Variants in EIF4G3 observed in about 807,000 individuals in gnomAD.
EIF4G3 encodes eIF-4-gamma 3.
A neutral mutation model predicts 186.4 loss-of-function variants in EIF4G3; 34 were observed. The observed-to-expected ratio is 0.18, with a 90% CI of 0.14 to 0.24. EIF4G3 has a LOEUF of 0.24. EIF4G3 is among the 10% of genes least tolerant of loss of function. EIF4G3 has a pLI of 1.00. For missense variants in EIF4G3, 1,536 were observed against 1,948.5 expected (o/e 0.79, Z 3.99); for synonymous variants, 673 against 679.5 (o/e 0.99, Z 0.15).
At chr1:20,901,310 T>C (rs1208541109) in intron 15 of EIF4G3, among the ~76,000 whole-genome samples, 2 of 152,180 alleles carry the variant, frequency 1.3e-5, no homozygotes, top group Non-Finnish European at 2.9e-5. Context: ...TTAAAAATTT[T>C]AGACTCTACT....
rs2094460903 is a variant in EIF4G3 at position 21,054,337 on chromosome 1, GGCC to G, written c.-195-3346_-195-3344del. ...ACCCAGGGACACAAACACTGCGGAA[GGCC>G]GCAGGGTCCTCTGCCTAGGAAAACC... On this transcript the variant is annotated intron_variant, in intron 3 of 36. Transcript: ENST00000602326. Among the ~76,000 whole-genome samples the G allele has an allele frequency of 1.4e-4, 19 of 133,212 alleles. 2 individuals carry two copies. The South Asian group carries it at 4.6e-3, about 32-fold the overall frequency. 87.4% of individuals were successfully genotyped at this position (133,212 alleles called of 152,430 possible). A position where few individuals can be genotyped will look rare whatever the true frequency, so the allele number is the denominator to read the frequency against.
chr1:21,092,449 T>G (rs1189308698), intron 2 of EIF4G3, among the ~76,000 whole-genome samples: 2 of 152,172 alleles, frequency 1.3e-5, no homozygotes, highest in African/African-American at 2.4e-5. Flanking sequence ...ATTCTCTTTT[T>G]TTGTTGTTGT....
chr1:20,809,549 C>T (rs1359712159), intron 36 of EIF4G3, among the ~76,000 whole-genome samples: 1 of 152,186 alleles, frequency 6.6e-6, no homozygotes, highest in Non-Finnish European at 1.5e-5. Context: ...GTACAGGTTA[C>T]TTTGTTTCAT....
intron 3 of EIF4G3, among the ~76,000 whole-genome samples, chr1:21,077,757 G>A (rs557112297): frequency 2.6e-5 from 4 of 151,880 alleles, no homozygotes; most frequent in East Asian, 1.9e-4. Context: ...GCGCATGCCT[G>A]TAATCCCAGA....
chr1:21,082,344 G>A (rs1013167807), intron 3 of EIF4G3, among the ~76,000 whole-genome samples: 1 of 151,544 alleles, frequency 6.6e-6, no homozygotes, highest in Admixed American at 6.6e-5. Context: ...CAGCATATTC[G>A]GAGGCCAAGG....
intron 12 of EIF4G3, among the ~76,000 whole-genome samples, chr1:20,950,979 A>G (rs2096189303): frequency 6.6e-6 from 1 of 152,192 alleles, no homozygotes; most frequent in African/African-American, 2.4e-5. Context: ...CGGAGATCTA[A>G]GGTCAATTTT....
intron 7 of EIF4G3, among the ~76,000 whole-genome samples, chr1:20,989,094 A>T (rs1263724444): frequency 8.3e-6 from 1 of 120,254 alleles, no homozygotes; most frequent in Non-Finnish European, 1.8e-5. Context: ...AGAGGAGAGG[A>T]GAGGAGAGGA....
chr1:21,176,622 C>G (rs1238840345), intron 1 of EIF4G3, 100 bp downstream of exon 1: 4 of 245,768 alleles, frequency 1.6e-5, no homozygotes, highest in Non-Finnish European at 3.1e-5. Flanking sequence ...GCAGCAGCAG[C>G]CGCCCCGCGG....
intron 27 of EIF4G3, among the ~76,000 whole-genome samples, chr1:20,852,138 C>T (rs1233953262): frequency 2.6e-5 from 4 of 152,232 alleles, no homozygotes; most frequent in East Asian, 1.9e-4. Context: ...CCTCCGCCTA[C>T]GGGTTCAAGT....
chr1:20,879,143 G>A (rs1315532243), intron 20 of EIF4G3, among the ~76,000 whole-genome samples, 180 bp downstream of exon 20: 1 of 152,064 alleles, frequency 6.6e-6, no homozygotes, highest in Non-Finnish European at 1.5e-5. Context: ...CCCCTCCAGA[G>A]GGGAGTATAC....
In EIF4G3 at chr1:21,082,250, C is replaced by T. The variant is rs561558588; in HGVS notation, c.-196+6888G>A. 2.0e-5 allele frequency among the ~76,000 whole-genome samples: 3 copies of T among 150,790 alleles called. No homozygotes were observed. The East Asian group carries it at 5.8e-4, about 29-fold the overall frequency. The stretch of plus-strand genomic sequence containing the variant: ...GGAGCCTTTCAAGGAATTTAACCAA[C>T]TCAATGAAAGTGACATATGGACACC... On this transcript the variant is annotated intron_variant, in intron 3 of 36. Transcript: ENST00000602326.
intron 2 of EIF4G3, among the ~76,000 whole-genome samples, chr1:21,167,175 T>C (rs773934549): frequency 2.0e-5 from 3 of 152,152 alleles, no homozygotes; most frequent in Non-Finnish European, 4.4e-5. Flanking sequence ...CAAGGTTCAG[T>C]CCTTTCCATT....
At chr1:20,947,396 T>A (rs190510542) in intron 13 of EIF4G3, among the ~76,000 whole-genome samples, 2 of 151,802 alleles carry the variant, frequency 1.3e-5, no homozygotes, top group Admixed American at 1.3e-4. Context: ...AAAAAACCAT[T>A]TTCTCTGAAA....
At chr1:20,939,424 G>T in intron 14 of EIF4G3, among the ~76,000 whole-genome samples, 1 of 152,158 alleles carries the variant, frequency 6.6e-6, no homozygotes, top group East Asian at 1.9e-4. Context: ...GAGAGCATCT[G>T]CATTTCAAAC....
intron 5 of EIF4G3, among the ~76,000 whole-genome samples, chr1:21,001,803 T>C (rs1407053467): frequency 6.6e-6 from 1 of 152,214 alleles, no homozygotes; most frequent in African/African-American, 2.4e-5. Context: ...CCTAGTTCTT[T>C]AAGTAAGTCT....
intron 14 of EIF4G3, among the ~76,000 whole-genome samples, chr1:20,940,020 A>AT (rs1424989763): frequency 6.6e-6 from 1 of 150,986 alleles, no homozygotes; most frequent in Non-Finnish European, 1.5e-5. Flanking sequence ...ATGCCTGGCT[A>AT]TTTTTTTTGT....
chr1:20,904,835 ATGAAATGGCACCACTGCTC>A (rs1558163886), intron 15 of EIF4G3, 29 bp downstream of exon 15: 2 of 1,448,544 alleles, frequency 1.4e-6, no homozygotes, highest in Middle Eastern at 1.8e-4. Flanking sequence ...ATACCTGTCT[ATGAAATGGCACCACTGCTC>A]TGAATATGAA....
chr1:21,176,567 ACGCCGCCGC>A (rs948854829), intron 1 of EIF4G3, among the ~76,000 whole-genome samples, 146 bp downstream of exon 1: 128 of 115,238 alleles, frequency 1.1e-3, no homozygotes, highest in South Asian at 1.7e-3. Context: ...CACACGCCCG[ACGCCGCCGC>A]CGCCGCCGCC....
intron 14 of EIF4G3, among the ~76,000 whole-genome samples, chr1:20,924,274 T>C (rs1322764823): frequency 1.3e-5 from 2 of 152,222 alleles, no homozygotes; most frequent in African/African-American, 2.4e-5. Flanking sequence ...TGCTGATATG[T>C]TTGTTGAACT....
Sources: gnomAD v4.1 joint callset for allele counts (sites outside exome capture counted in the v4.1 genomes callset) on GRCh38, gnomAD v4.1.1 for gene constraint, MANE v1.5 for transcripts, NCBI Gene and HGNC (gene_info 2026-07-23, HGNC 2026-07-21) for gene names.